Variants in EPC2 observed in about 807,000 individuals in gnomAD.
The protein encoded by EPC2 is enhancer of polycomb 2, also known as enhancer of polycomb homolog 2.
EPC2 carries 14 observed loss-of-function variants against 92.1 expected under a neutral mutation model. The ratio of observed to expected loss-of-function variants is 0.15; its 90% CI spans 0.10 to 0.24. The LOEUF is 0.24. Ranked by LOEUF, EPC2 falls within the 10% of genes least tolerant of loss-of-function variation. The probability of loss-of-function intolerance (pLI) is 1.00; values close to 1 mark genes in which losing one functional copy is unlikely to be tolerated. For missense variants in EPC2, 755 were observed against 971.5 expected, an observed-to-expected ratio of 0.78 and a Z score of 2.96; for synonymous variants, 340 against 334.7, an observed-to-expected ratio of 1.02 and a Z score of -0.17.
chr2:148,683,494 C>T (rs1681453887), intron 1 of EPC2, among the ~76,000 whole-genome samples: 1 of 152,144 alleles, frequency 6.6e-6, no homozygotes, highest in South Asian at 2.1e-4. Flanking sequence ...TCTCGATCTC[C>T]TGATCTCGTG....
At chr2:148,673,813 T>TGACC (rs1681203057) in intron 1 of EPC2, among the ~76,000 whole-genome samples, 1 of 152,196 alleles carries the variant, frequency 6.6e-6, no homozygotes, top group South Asian at 2.1e-4. Flanking sequence ...CTCAAACTCC[T>TGACC]GACCTCAAGT....
At chr2:148,755,578 T>C (rs983268653) in intron 4 of EPC2, among the ~76,000 whole-genome samples, 1 of 152,326 alleles carries the variant, frequency 6.6e-6, no homozygotes, top group Non-Finnish European at 1.5e-5. Context: ...TGTTTAGATA[T>C]GTTAGATACA....
chr2:148,695,761 G>A (rs1180835906), intron 2 of EPC2, among the ~76,000 whole-genome samples: 1 of 152,076 alleles, frequency 6.6e-6, no homozygotes, highest in East Asian at 1.9e-4. Flanking sequence ...TCATTTTCTT[G>A]TAAAAAAAAT....
chr2:148,757,158 C>T (rs937222914), intron 4 of EPC2, among the ~76,000 whole-genome samples: 2 of 151,950 alleles, frequency 1.3e-5, no homozygotes, highest in Non-Finnish European at 2.9e-5. Flanking sequence ...GGGCGAATCA[C>T]AAGGTCAGGA....
chr2:148,777,657 T>C (rs1051297234), intron 10 of EPC2, among the ~76,000 whole-genome samples: 2 of 152,180 alleles, frequency 1.3e-5, no homozygotes, highest in Non-Finnish European at 2.9e-5. Flanking sequence ...GAGTATGTTT[T>C]TAGTTGATCA....
In EPC2 at chr2:148,644,844, C is replaced by G; in HGVS notation, c.-174C>G. Reference sequence around the variant, plus strand: ...TGGAGGCGGCCGCGGGCGCGGGGGGCTGTTTTCGGGCGGGGTGGGCGCCCA... The same window carrying G: ...TGGAGGCGGCCGCGGGCGCGGGGGGGTGTTTTCGGGCGGGGTGGGCGCCCA... On this transcript the variant is annotated 5_prime_UTR_variant, in exon 1 of 14. Coordinates refer to ENST00000258484, the MANE Select transcript of EPC2 (RefSeq NM_015630.4). 9.4e-5 allele frequency: 49 copies of G among 522,338 alleles called. No individual in the cohort carries two copies. The highest frequency in any genetic ancestry group is 1.5e-4 in the East Asian group (4 of 26,306). The allele number at this position is 522,338 out of a possible 1,614,324, so 32.4% of individuals were successfully genotyped here.
intron 2 of EPC2, among the ~76,000 whole-genome samples, chr2:148,696,647 A>G (rs3948092): frequency 0.25 from 38,267 of 152,116 alleles, 5,399 homozygotes; most frequent in East Asian, 0.51. Flanking sequence ...GAACCCTCCT[A>G]TGGGGCCTCC....
chr2:148,726,343 C>T (rs945125466), intron 2 of EPC2, among the ~76,000 whole-genome samples: 1 of 152,088 alleles, frequency 6.6e-6, no homozygotes, highest in Non-Finnish European at 1.5e-5. Context: ...TATAGTAGTT[C>T]TATTTTAAAT....
intron 3 of EPC2, among the ~76,000 whole-genome samples, chr2:148,747,893 C>T (rs1039409638): frequency 6.6e-6 from 1 of 152,074 alleles, no homozygotes; most frequent in Non-Finnish European, 1.5e-5. Context: ...TCCACCTAAG[C>T]AAGTATTTCA....
intron 1 of EPC2, among the ~76,000 whole-genome samples, chr2:148,668,800 A>G (rs1385311914): frequency 2.0e-5 from 3 of 151,534 alleles, no homozygotes; most frequent in Non-Finnish European, 4.4e-5. Flanking sequence ...ATCTGGCTAG[A>G]GGTTTATCAA....
At chr2:148,715,842 T>A (rs534731782) in intron 2 of EPC2, among the ~76,000 whole-genome samples, 2 of 152,376 alleles carry the variant, frequency 1.3e-5, no homozygotes, top group South Asian at 2.1e-4. Context: ...ATATTGATTC[T>A]TCCCACCCAT....
rs764764011 is a variant in EPC2 at position 148,786,352 on chromosome 2, C to A, written c.2399C>A (p.Thr800Lys). 1.7e-5 allele frequency: 28 copies of A among 1,611,204 alleles called. No homozygotes were observed. Among genetic ancestry groups the A allele is most frequent in the Non-Finnish European group, 2.4e-5 (28 of 1,178,744 alleles). Reference protein sequence around the residue: ...ERLGLNGIAETTVAMEVT With the variant: ...ERLGLNGIAEKTVAMEVT ...TTGGGCTTAAATGGAATAGCAGAGA[C>A]AACAGTAGCTATGGAAGTGACATAA... The change falls in exon 14 of 14, where the codon ACA becomes AAA. Residue 800 changes from threonine to lysine, a missense_variant. Thr to Lys is a moderately conservative substitution (Grantham distance 78). Transcript: ENST00000258484.
intron 6 of EPC2, among the ~76,000 whole-genome samples, chr2:148,763,117 A>G (rs1000966928): frequency 1.3e-5 from 2 of 152,130 alleles, no homozygotes; most frequent in Non-Finnish European, 2.9e-5. Context: ...CTAGGGAATA[A>G]AGGTAATTAA....
At chr2:148,693,717 CACTA>C (rs1475603316) in intron 2 of EPC2, among the ~76,000 whole-genome samples, 1 of 152,184 alleles carries the variant, frequency 6.6e-6, no homozygotes, top group Non-Finnish European at 1.5e-5. Flanking sequence ...CTTCAAGCTA[CACTA>C]ATAATGAGAT....
chr2:148,665,601 C>G (rs906007801), intron 1 of EPC2, among the ~76,000 whole-genome samples: 1 of 152,140 alleles, frequency 6.6e-6, no homozygotes, highest in African/African-American at 2.4e-5. Context: ...ATTAAGTTTT[C>G]CAAAAGTTGA....
At chr2:148,785,053 G>A in intron 13 of EPC2, 52 bp downstream of exon 13, 17 of 1,417,984 alleles carry the variant, frequency 1.2e-5, no homozygotes, top group Non-Finnish European at 1.6e-5. Flanking sequence ...GCTGTCCTGT[G>A]GGAAGAAAAA....
intron 1 of EPC2, among the ~76,000 whole-genome samples, chr2:148,676,386 A>G (rs1180723765): frequency 6.6e-6 from 1 of 152,068 alleles, no homozygotes; most frequent in Non-Finnish European, 1.5e-5. Context: ...GATTTTGTGT[A>G]TCTTGGTGAA....
intron 1 of EPC2, among the ~76,000 whole-genome samples, chr2:148,670,012 C>T (rs2105359899): frequency 6.6e-6 from 1 of 152,262 alleles, no homozygotes; most frequent in Middle Eastern, 3.4e-3. Context: ...CTTTAGAGCT[C>T]CTGGGTTCTT....
Position 148,771,351 on chromosome 2 carries a change from G to C in EPC2, c.1684G>C (p.Val562Leu). Residue 562 changes from valine to leucine, a missense_variant, in exon 10 of 14, where the codon GTA becomes CTA. Transcript: ENST00000258484. ...VNNKRVSAAS[V>L]ALLNTSKNGI... is the part of the protein sequence containing the mutation. ...CAATAAAAGAGTTTCTGCAGCATCT[G>C]TAGCTTTATTGAACACCAGCAAGAA... 6.2e-7 allele frequency: 1 copy of C among 1,608,560 alleles called. No individual in the cohort carries two copies. Among genetic ancestry groups the C allele is most frequent in the Non-Finnish European group, 8.5e-7 (1 of 1,178,070 alleles).
Sources: gnomAD v4.1 joint callset for allele counts (sites outside exome capture counted in the v4.1 genomes callset) on GRCh38, gnomAD v4.1.1 for gene constraint, MANE v1.5 for transcripts, NCBI Gene and HGNC (gene_info 2026-07-23, HGNC 2026-07-21) for gene names.